Variants in DHRSX observed in about 807,000 individuals in gnomAD.
DHRSX encodes dehydrogenase/reductase X-linked.
In DHRSX, 31 loss-of-function variants were observed where a neutral mutation model predicts 34.0. That is an observed-to-expected ratio of 0.91 (90% confidence interval 0.69 to 1.23). The LOEUF is 1.23. DHRSX is among the 50% of genes most tolerant of loss of function. The pLI, the probability that DHRSX is intolerant of heterozygous loss-of-function variation, is 0.00. For synonymous variants in DHRSX, 201 were observed against 183.8 expected (o/e 1.09, Z -0.76); for missense variants, 414 against 428.1 (o/e 0.97, Z 0.29).
intron 2 of DHRSX, among the ~76,000 whole-genome samples, chrX:2,424,073 A>G (rs1430203857): frequency 2.6e-5 from 4 of 152,056 alleles, no homozygotes; most frequent in African/African-American, 9.7e-5. Flanking sequence ...ATTAAGGTAA[A>G]ATGAGGTCAC....
chrX:2,434,995 C>T (rs1356619093), intron 1 of DHRSX, among the ~76,000 whole-genome samples: 4 of 152,054 alleles, frequency 2.6e-5, no homozygotes, highest in African/African-American at 4.8e-5. Context: ...ATTTATATGA[C>T]ATTCTTGACA....
intron 3 of DHRSX, among the ~76,000 whole-genome samples, chrX:2,384,955 A>T (rs1488545505): frequency 1.3e-5 from 2 of 150,898 alleles, no homozygotes; most frequent in Non-Finnish European, 3.0e-5. Context: ...AAAAAAATAT[A>T]TATATATACA....
At chrX:2,362,451 C>T (rs772235093) in intron 3 of DHRSX, among the ~76,000 whole-genome samples, 1 of 152,176 alleles carries the variant, frequency 6.6e-6, no homozygotes, top group East Asian at 1.9e-4. Flanking sequence ...CAGGCGCCCA[C>T]CACCATATGC....
chrX:2,479,260 T>C (rs1309633914), intron 1 of DHRSX, among the ~76,000 whole-genome samples: 2 of 146,204 alleles, frequency 1.4e-5, no homozygotes, highest in Non-Finnish European at 3.0e-5. Context: ...ACCACCACCA[T>C]GTACACACTG....
At chrX:2,449,630 T>C (rs1473458690) in intron 1 of DHRSX, among the ~76,000 whole-genome samples, 1 of 151,998 alleles carries the variant, frequency 6.6e-6, no homozygotes, top group Non-Finnish European at 1.5e-5. Context: ...CAAGTAGCTG[T>C]GACCACACAC....
At chrX:2,361,084 A>G (rs1318617361) in intron 3 of DHRSX, among the ~76,000 whole-genome samples, 1 of 152,106 alleles carries the variant, frequency 6.6e-6, no homozygotes, top group Non-Finnish European at 1.5e-5. Flanking sequence ...GGAACATTTC[A>G]AGAGGAGACA....
intron 3 of DHRSX, among the ~76,000 whole-genome samples, chrX:2,358,047 G>C (rs1421583196): frequency 6.6e-6 from 1 of 152,168 alleles, no homozygotes; most frequent in Non-Finnish European, 1.5e-5. Flanking sequence ...GCATGTGGTG[G>C]ATGGCTAGGG....
At chrX:2,243,483 T>A (rs67739384) in intron 5 of DHRSX, among the ~76,000 whole-genome samples, 65,855 of 151,804 alleles carry the variant, frequency 0.43, 14,943 homozygotes, top group Middle Eastern at 0.55. Context: ...TAATTTTTTA[T>A]TTATTTATTT....
At chrX:2,371,269 C>T (rs1254896417) in intron 3 of DHRSX, among the ~76,000 whole-genome samples, 1 of 149,344 alleles carries the variant, frequency 6.7e-6, no homozygotes. Context: ...ACCATAGACC[C>T]TTCTACTTCT....
intron 1 of DHRSX, among the ~76,000 whole-genome samples, chrX:2,463,230 C>A (rs1282454358): frequency 2.0e-5 from 3 of 152,138 alleles, no homozygotes; most frequent in Admixed American, 2.0e-4. Context: ...GCAGGAGAAT[C>A]GCTTGAACAT....
intron 3 of DHRSX, among the ~76,000 whole-genome samples, chrX:2,371,567 T>TCCATTACCATAGTACCTCCTC (rs1200818769): frequency 1.4e-4 from 18 of 130,604 alleles, no homozygotes; most frequent in Non-Finnish European, 1.8e-4. Flanking sequence ...AGTCCCTCCT[T>TCCATTACCATAGTACCTCCTC]CCATTACCAT....
chrX:2,443,226 T>A (rs2044084692), intron 1 of DHRSX, among the ~76,000 whole-genome samples: 1 of 151,340 alleles, frequency 6.6e-6, no homozygotes, highest in East Asian at 1.9e-4. Context: ...TAGACGGGGG[T>A]CTCACTGCGT....
intron 3 of DHRSX, among the ~76,000 whole-genome samples, chrX:2,295,341 T>C (rs1013386631): frequency 9.7e-4 from 148 of 152,122 alleles, no homozygotes; most frequent in Middle Eastern, 3.4e-3. Flanking sequence ...AACCAAACAC[T>C]GCATGTTCTC....
chrX:2,351,484 C>T (rs1200500666), intron 3 of DHRSX, among the ~76,000 whole-genome samples: 1 of 152,158 alleles, frequency 6.6e-6, no homozygotes, highest in African/African-American at 2.4e-5. Flanking sequence ...CACTTCCTTG[C>T]TGACACAGAC....
chrX:2,333,290 CAT>C (rs1404146342), intron 3 of DHRSX, among the ~76,000 whole-genome samples: 15 of 152,112 alleles, frequency 9.9e-5, no homozygotes, highest in African/African-American at 3.1e-4. Flanking sequence ...GCTGTACAAA[CAT>C]GTATTTTTTT....
chrX:2,245,958 T>A (rs1347451062), intron 5 of DHRSX, among the ~76,000 whole-genome samples: 1 of 110,834 alleles, frequency 9.0e-6, no homozygotes, highest in African/African-American at 3.6e-5. Flanking sequence ...TGAGACTCCA[T>A]CTCAAAAAAA....
At chrX:2,293,104 T>C (rs1602884333) in intron 3 of DHRSX, among the ~76,000 whole-genome samples, 1 of 151,948 alleles carries the variant, frequency 6.6e-6, no homozygotes, top group Non-Finnish European at 1.5e-5. Context: ...TTTTAGAGAG[T>C]GAATGACTCA....
intron 5 of DHRSX, among the ~76,000 whole-genome samples, chrX:2,256,633 G>A (rs2041283577): frequency 6.6e-6 from 1 of 152,146 alleles, no homozygotes; most frequent in Non-Finnish European, 1.5e-5. Flanking sequence ...GTTCTCTCAT[G>A]TGTAAAAACT....
intron 3 of DHRSX, among the ~76,000 whole-genome samples, chrX:2,333,015 T>C (rs1237837936): frequency 6.6e-6 from 1 of 152,132 alleles, no homozygotes; most frequent in Non-Finnish European, 1.5e-5. Context: ...CACAAAGAAA[T>C]AGGTGATGGG....
Sources: gnomAD v4.1 joint callset for allele counts (sites outside exome capture counted in the v4.1 genomes callset) on GRCh38, gnomAD v4.1.1 for gene constraint, MANE v1.5 for transcripts, NCBI Gene and HGNC (gene_info 2026-07-23, HGNC 2026-07-21) for gene names.